TDP1: variants seen among roughly 807,000 people sequenced by gnomAD.
TDP1 encodes the protein tyrosyl-DNA phosphodiesterase 1, also known as tyr-DNA phosphodiesterase 1.
TDP1 carries 64 observed loss-of-function variants against 81.5 expected under a neutral mutation model. The observed-to-expected ratio is 0.79, with a 90% CI of 0.64 to 0.97. The LOEUF is 0.97. TDP1 is among the 50% of genes least tolerant of loss of function. The probability of loss-of-function intolerance (pLI) is 0.00; values close to 1 mark genes in which losing one functional copy is unlikely to be tolerated. For synonymous variants in TDP1, 256 were observed against 264.3 expected, an observed-to-expected ratio of 0.97 and a Z score of 0.30; for missense variants, 723 against 743.8, an observed-to-expected ratio of 0.97 and a Z score of 0.33.
At chr14:90,029,106 G>T (rs1596695574) in intron 15 of TDP1, among the ~76,000 whole-genome samples, 1 of 152,006 alleles carries the variant, frequency 6.6e-6, no homozygotes, top group East Asian at 1.9e-4. Flanking sequence ...ATAGTTCCTG[G>T]TGGTGAATGT....
At chr14:89,981,707 A>C (rs912335199) in intron 8 of TDP1, 2 of 287,292 alleles carry the variant, frequency 7.0e-6, no homozygotes, top group South Asian at 6.3e-5. Context: ...TGTTTTTTTG[A>C]GACGGTCTCA....
intron 7 of TDP1, among the ~76,000 whole-genome samples, chr14:89,979,177 A>T (rs1374426828): frequency 6.6e-6 from 1 of 152,214 alleles, no homozygotes; most frequent in Admixed American, 6.5e-5. Context: ...GAGAGAACTT[A>T]GATTCCTGAA....
intron 14 of TDP1, among the ~76,000 whole-genome samples, chr14:90,007,889 G>C (rs1884234857): frequency 6.6e-6 from 1 of 152,154 alleles, no homozygotes; most frequent in Non-Finnish European, 1.5e-5. Flanking sequence ...GAACCACCAT[G>C]CCTGGTCTTC....
intron 2 of TDP1, among the ~76,000 whole-genome samples, chr14:89,960,472 A>G (rs1027886330): frequency 6.6e-6 from 1 of 152,212 alleles, no homozygotes; most frequent in Non-Finnish European, 1.5e-5. Flanking sequence ...GAAACAATTT[A>G]GGGAAAATAT....
At chr14:89,980,080 A>G (rs1273842109) in intron 7 of TDP1, 2 of 866,192 alleles carry the variant, frequency 2.3e-6, no homozygotes, top group African/African-American at 3.6e-5. Flanking sequence ...CTTTGTGCCA[A>G]AACAAAATTT....
At chr14:90,039,856 G>A (rs141291347) in intron 16 of TDP1, among the ~76,000 whole-genome samples, 55 of 152,252 alleles carry the variant, frequency 3.6e-4, no homozygotes, top group Admixed American at 7.2e-4. Flanking sequence ...ACAACCGCAT[G>A]ATGCAAGTAC....
intron 16 of TDP1, among the ~76,000 whole-genome samples, chr14:90,040,516 G>A (rs1205425467): frequency 3.3e-5 from 5 of 152,210 alleles, no homozygotes; most frequent in African/African-American, 1.2e-4. Context: ...CTCCACCTCT[G>A]TGGCATGCCT....
intron 16 of TDP1, among the ~76,000 whole-genome samples, chr14:90,039,039 C>T (rs932751374): frequency 1.3e-5 from 2 of 151,884 alleles, no homozygotes; most frequent in Middle Eastern, 3.2e-3. Flanking sequence ...TTTAAAATTA[C>T]TTTGTAATCA....
In TDP1 at chr14:89,961,039, T is replaced by C. The variant is rs145070235; in HGVS notation, c.-7-2069T>C. 1.4e-4 allele frequency among the ~76,000 whole-genome samples: 21 copies of C among 152,266 alleles called. No homozygotes were observed. The East Asian group carries it at 2.3e-3, about 17-fold the overall frequency. On this transcript the variant is annotated intron_variant, in intron 2 of 16. Coordinates refer to ENST00000335725, the MANE Select transcript of TDP1 (RefSeq NM_018319.4). Reference sequence around the variant, plus strand: ...AGGGAGGAGAGGGTAGAACAGAGATTTATACTGAATGGGTTGGCCAAGTAT... The same window carrying C: ...AGGGAGGAGAGGGTAGAACAGAGATCTATACTGAATGGGTTGGCCAAGTAT...
At chr14:90,029,194 A>ATT (rs539198642) in intron 15 of TDP1, among the ~76,000 whole-genome samples, 1,514 of 116,132 alleles carry the variant, frequency 0.013, 52 homozygotes, top group African/African-American at 0.042. Context: ...CCCTGCCATT[A>ATT]TTTTTTTTTT....
chr14:89,980,216 G>T (rs1464349112), intron 7 of TDP1: 1 of 985,308 alleles, frequency 1.0e-6, no homozygotes. Flanking sequence ...CAGACCAGAA[G>T]GTTCCAACGG....
At chr14:89,989,305 C>T (rs1015604348) in intron 11 of TDP1, 5 of 984,944 alleles carry the variant, frequency 5.1e-6, no homozygotes, top group Admixed American at 6.2e-5. Flanking sequence ...AAGAGCTTGC[C>T]GATTCGTTCA....
Position 90,023,176 on chromosome 14 carries a change from G to A in TDP1, c.1644+3758G>A. 7.1e-6 allele frequency: 5 copies of A among 703,372 alleles called. No individual in the cohort carries two copies. In the South Asian group the frequency reaches 7.4e-5, roughly 10 times the overall value. 43.6% of individuals were successfully genotyped at this position (703,372 alleles called of 1,614,324 possible). On this transcript the variant is annotated intron_variant, in intron 15 of 16. Coordinates refer to ENST00000335725, the MANE Select transcript of TDP1 (RefSeq NM_018319.4). Reference sequence around the variant, plus strand: ...TCAAAATACAGGGGCTCTGAGAAGAGGGACCATGTGGTCTGCCCGGGGGGC... The same window carrying A: ...TCAAAATACAGGGGCTCTGAGAAGAAGGACCATGTGGTCTGCCCGGGGGGC...
At chr14:90,037,802 T>C (rs1319748641) in intron 16 of TDP1, among the ~76,000 whole-genome samples, 1 of 152,224 alleles carries the variant, frequency 6.6e-6, no homozygotes, top group African/African-American at 2.4e-5. Flanking sequence ...TATTCAAATT[T>C]CATCAGTTTC....
chr14:89,955,911 A>T (rs1462353589), upstream of TDP1: 3 of 151,026 alleles, frequency 2.0e-5, no homozygotes, highest in African/African-American at 7.2e-5. Flanking sequence ...AACTGCGCGC[A>T]TGCGCGGCGG....
At chr14:89,968,653 GCTGT>G (rs917930721) in intron 5 of TDP1, among the ~76,000 whole-genome samples, 2 of 152,214 alleles carry the variant, frequency 1.3e-5, no homozygotes, top group Non-Finnish European at 2.9e-5. Flanking sequence ...GGAGAGAATG[GCTGT>G]CTGGAGGCAA....
chr14:90,013,407 T>C (rs552727085), intron 14 of TDP1, among the ~76,000 whole-genome samples: 2 of 152,286 alleles, frequency 1.3e-5, no homozygotes, highest in South Asian at 4.1e-4. Flanking sequence ...GTTCTCTTGA[T>C]AGTGAATAGG....
chr14:89,979,954 G>A (rs1467062542), intron 7 of TDP1, among the ~76,000 whole-genome samples: 1 of 152,052 alleles, frequency 6.6e-6, no homozygotes, highest in East Asian at 1.9e-4. Flanking sequence ...GACAAGTGTG[G>A]CATCTATGGA....
intron 15 of TDP1, chr14:90,023,176 G>T: frequency 1.4e-6 from 1 of 703,372 alleles, no homozygotes; most frequent in Non-Finnish European, 2.6e-6. Context: ...TCTGAGAAGA[G>T]GGACCATGTG....
Sources: allele counts gnomAD v4.1 joint callset (sites outside exome capture counted in the v4.1 genomes callset), GRCh38; gene constraint gnomAD v4.1.1; transcripts MANE v1.5; gene names NCBI Gene and HGNC (gene_info 2026-07-23, HGNC 2026-07-21).